The following PDE10A variants were observed in gnomAD, a reference collection of about 807,000 sequenced individuals.
The protein encoded by PDE10A is cAMP and cAMP-inhibited cGMP 3',5'-cyclic phosphodiesterase 10A.
A neutral mutation model predicts 97.7 loss-of-function variants in PDE10A; 39 were observed. That is an observed-to-expected ratio of 0.40 (90% CI 0.31 to 0.52). The LOEUF is 0.52. PDE10A is among the 20% of genes least tolerant of loss of function. The pLI, the probability that PDE10A is intolerant of heterozygous loss-of-function variation, is 0.56. For missense variants in PDE10A, 731 were observed against 1,047.8 expected, an observed-to-expected ratio of 0.70 and a Z score of 4.17; for synonymous variants, 371 against 376.8, an observed-to-expected ratio of 0.98 and a Z score of 0.18.
At chr6:165,560,795 C>T (rs574961167) in intron 1 of PDE10A, among the ~76,000 whole-genome samples, 1 of 152,216 alleles carries the variant, frequency 6.6e-6, no homozygotes, top group African/African-American at 2.4e-5. Flanking sequence ...TCATGTTGAA[C>T]TGTGGCCCCA....
At chr6:165,451,851 A>T (rs1027263162) in intron 3 of PDE10A, among the ~76,000 whole-genome samples, 1 of 152,202 alleles carries the variant, frequency 6.6e-6, no homozygotes, top group Admixed American at 6.5e-5. Flanking sequence ...GAGAATCAAT[A>T]CGTAAATAAG....
At chr6:165,972,027 A>G (rs1399869334) in intron 1 of PDE10A, among the ~76,000 whole-genome samples, 1 of 152,186 alleles carries the variant, frequency 6.6e-6, no homozygotes, top group Non-Finnish European at 1.5e-5. Flanking sequence ...GCTGCAGTCC[A>G]GCCTCCTGGG....
chr6:165,951,584 AC>A (rs1340090479), intron 1 of PDE10A, among the ~76,000 whole-genome samples: 4 of 151,846 alleles, frequency 2.6e-5, no homozygotes, highest in Non-Finnish European at 4.4e-5. Context: ...TTCCAATGGG[AC>A]CCTTATGTGC....
chr6:165,899,375 A>G (rs1782041858), intron 1 of PDE10A, among the ~76,000 whole-genome samples: 3 of 152,226 alleles, frequency 2.0e-5, no homozygotes, highest in Admixed American at 1.3e-4. Flanking sequence ...GATCAGAGCC[A>G]TCACACTAAT....
intron 1 of PDE10A, among the ~76,000 whole-genome samples, chr6:165,749,528 G>T (rs1214298087): frequency 1.2e-4 from 5 of 43,312 alleles, no homozygotes; most frequent in Non-Finnish European, 4.8e-5. Context: ...CATCATCTAT[G>T]ACCTATTTCT....
intron 1 of PDE10A, among the ~76,000 whole-genome samples, chr6:165,823,498 A>ATT (rs1309547904): frequency 1.7e-5 from 2 of 119,108 alleles, no homozygotes; most frequent in East Asian, 2.5e-4. Context: ...ATATATATAT[A>ATT]TATATATATA....
chr6:165,399,590 A>ATG (rs1786470765), intron 13 of PDE10A, among the ~76,000 whole-genome samples: 1 of 112,762 alleles, frequency 8.9e-6, no homozygotes, highest in Admixed American at 8.9e-5. Context: ...CCCTCCCCAC[A>ATG]ACAGGCCCCA....
At chr6:165,636,173 C>T (rs577053117) in intron 1 of PDE10A, among the ~76,000 whole-genome samples, 28 of 152,174 alleles carry the variant, frequency 1.8e-4, no homozygotes, top group Non-Finnish European at 3.7e-4. Context: ...AAGGAATCCC[C>T]TACTTCCTAT....
intron 1 of PDE10A, among the ~76,000 whole-genome samples, chr6:165,890,503 T>C (rs1781762815): frequency 6.6e-6 from 1 of 152,200 alleles, no homozygotes; most frequent in South Asian, 2.1e-4. Flanking sequence ...CATTAGAAGC[T>C]GCTGAGTTTG....
intron 1 of PDE10A, among the ~76,000 whole-genome samples, chr6:165,967,223 G>A (rs1784535827): frequency 6.6e-6 from 1 of 152,196 alleles, no homozygotes; most frequent in Non-Finnish European, 1.5e-5. Context: ...TATTGGCCAG[G>A]CACAGTGGTT....
chr6:165,442,087 T>C (rs1790510098), intron 5 of PDE10A, among the ~76,000 whole-genome samples: 1 of 152,312 alleles, frequency 6.6e-6, no homozygotes, highest in South Asian at 2.1e-4. Context: ...TAGTCTGTTC[T>C]CACACTGCTA....
intron 18 of PDE10A, among the ~76,000 whole-genome samples, chr6:165,344,080 T>C (rs553313421): frequency 1.4e-5 from 2 of 147,368 alleles, no homozygotes; most frequent in East Asian, 3.9e-4. Context: ...TAGCAGATAT[T>C]TCTTTTCAAC....
intron 5 of PDE10A, among the ~76,000 whole-genome samples, chr6:165,445,399 C>T (rs950423299): frequency 3.3e-5 from 5 of 152,196 alleles, no homozygotes; most frequent in African/African-American, 1.2e-4. Flanking sequence ...AGCTGTCTTT[C>T]TCTTGAGGGA....
intron 2 of PDE10A, among the ~76,000 whole-genome samples, chr6:165,532,679 G>A (rs562769685): frequency 2.6e-5 from 4 of 152,246 alleles, no homozygotes; most frequent in Admixed American, 6.5e-5. Context: ...AGTCTGGGGT[G>A]AGACCCGACC....
chr6:165,425,732 TA>T (rs1789081854), intron 10 of PDE10A, among the ~76,000 whole-genome samples: 2 of 150,652 alleles, frequency 1.3e-5, no homozygotes, highest in Admixed American at 1.3e-4. Context: ...GATTAGAAAG[TA>T]GGGAGTAAAA....
intron 13 of PDE10A, among the ~76,000 whole-genome samples, chr6:165,397,058 T>C (rs939650178): frequency 6.6e-6 from 1 of 152,214 alleles, no homozygotes; most frequent in African/African-American, 2.4e-5. Flanking sequence ...ATAGACTGTG[T>C]CTACAGAGTA....
At chr6:165,574,714 A>C (rs987826969) in intron 1 of PDE10A, among the ~76,000 whole-genome samples, 2 of 152,340 alleles carry the variant, frequency 1.3e-5, no homozygotes, top group African/African-American at 2.4e-5. Context: ...CTTTGTTAAA[A>C]GTGAGAGTGC....
At chr6:165,565,971 T>C (rs187138082) in intron 1 of PDE10A, among the ~76,000 whole-genome samples, 12 of 152,142 alleles carry the variant, frequency 7.9e-5, no homozygotes, top group Admixed American at 6.5e-4. Context: ...CACAAAATGA[T>C]AAAACCCCTA....
intron 1 of PDE10A, among the ~76,000 whole-genome samples, chr6:165,912,111 CATCT>C (rs1234596146): frequency 2.0e-5 from 3 of 151,848 alleles, no homozygotes; most frequent in Admixed American, 1.3e-4. Flanking sequence ...TATTATTTAT[CATCT>C]ATCTGTCATC....
Sources: allele counts gnomAD v4.1 joint callset (sites outside exome capture counted in the v4.1 genomes callset), GRCh38; gene constraint gnomAD v4.1.1; transcripts MANE v1.5; gene names NCBI Gene and HGNC (gene_info 2026-07-23, HGNC 2026-07-21).